Variants in TRAPPC8 observed in about 807,000 individuals in gnomAD.
The protein encoded by TRAPPC8 is trafficking protein particle complex subunit 8.
In TRAPPC8, 54 loss-of-function variants were observed where a neutral mutation model predicts 174.3. That is an observed-to-expected ratio of 0.31 (90% confidence interval 0.25 to 0.39). The LOEUF (loss-of-function observed/expected upper bound fraction) is 0.39. Ranked by LOEUF, TRAPPC8 falls within the 10% of genes least tolerant of loss-of-function variation. TRAPPC8 has a pLI of 1.00. For missense variants in TRAPPC8, 1,531 were observed against 1,699.1 expected (o/e 0.90, Z 1.74); for synonymous variants, 630 against 579.9 (o/e 1.09, Z -1.24).
rs1032513758 is a variant in TRAPPC8, at chr18:31,890,662, T to C, written c.1728+73A>G. ...TTTAGTTTTTAAGATCCTTTTTAAATAATAAAAATGGACAAATGACACACA... is the reference window on the plus strand; with the variant it reads ...TTTAGTTTTTAAGATCCTTTTTAAACAATAAAAATGGACAAATGACACACA... On this transcript the variant is annotated intron_variant, in intron 12 of 28. Transcript: ENST00000283351. 21 of 1,515,304 alleles carry C rather than the reference T, an allele frequency of 1.4e-5. No individual in the cohort carries two copies. The African/African-American group carries it at 3.0e-4, about 21-fold the overall frequency. The allele number at this position is 1,515,304 out of a possible 1,614,324, so 93.9% of individuals were successfully genotyped here.
intron 12 of TRAPPC8, among the ~76,000 whole-genome samples, chr18:31,877,999 C>T (rs980735810): frequency 6.6e-6 from 1 of 151,530 alleles, no homozygotes; most frequent in Non-Finnish European, 1.5e-5. Flanking sequence ...CCCCTCCCTA[C>T]AGAGAAGCAT....
At chr18:31,934,105 T>C (rs886834661) in intron 1 of TRAPPC8, among the ~76,000 whole-genome samples, 1 of 151,932 alleles carries the variant, frequency 6.6e-6, no homozygotes, top group African/African-American at 2.4e-5. Context: ...AGAGAATCAC[T>C]TGAAACCAGG....
intron 27 of TRAPPC8, among the ~76,000 whole-genome samples, chr18:31,837,629 CAG>C (rs2032830242): frequency 1.3e-5 from 2 of 151,890 alleles, no homozygotes; most frequent in South Asian, 4.2e-4. Context: ...ACCTGGGAGG[CAG>C]AGTTTGCAGT....
At chr18:31,917,953 G>A (rs528277983) in intron 2 of TRAPPC8, among the ~76,000 whole-genome samples, 6 of 151,936 alleles carry the variant, frequency 3.9e-5, no homozygotes, top group Admixed American at 2.0e-4. Context: ...GCAAAACCTC[G>A]TGTCTCTACT....
chr18:31,916,591 G>A (rs1386074716), intron 3 of TRAPPC8, 145 bp from the exon 4 acceptor site: 3 of 764,400 alleles, frequency 3.9e-6, no homozygotes, highest in Non-Finnish European at 5.8e-6. Flanking sequence ...GGAGAGCAGT[G>A]GCGTGATCTC....
chr18:31,884,664 A>C (rs892533325), intron 12 of TRAPPC8, among the ~76,000 whole-genome samples: 1 of 151,984 alleles, frequency 6.6e-6, no homozygotes, highest in Non-Finnish European at 1.5e-5. Context: ...TGTCCTCCAC[A>C]CGTGCCTTAC....
At chr18:31,866,712 C>T in intron 18 of TRAPPC8, 137 bp downstream of exon 18, 1 of 908,042 alleles carries the variant, frequency 1.1e-6, no homozygotes, top group Non-Finnish European at 1.5e-6. Context: ...CTAAATTTGT[C>T]ATTCTTACAT....
At chr18:31,862,029 ATTTAT>A (rs753772335) in intron 19 of TRAPPC8, among the ~76,000 whole-genome samples, 25 of 151,614 alleles carry the variant, frequency 1.6e-4, no homozygotes, top group Non-Finnish European at 3.2e-4. Context: ...TCTTACACTG[ATTTAT>A]TTTGACCACA....
rs367547992 is a variant in TRAPPC8 at position 31,902,562 on chromosome 18, G to A, written c.1390-1537C>T. ...GTATTTCCATTTATGTTTACTCCAT[G>A]GGCCTCTGATATGCTGAGATGTAAC... On this transcript the variant is annotated intron_variant, in intron 9 of 28. Transcript: ENST00000283351. Among the ~76,000 whole-genome samples the A allele has an allele frequency of 2.0e-4, 30 of 152,198 alleles. No individual in the cohort carries two copies. The East Asian group carries it at 4.6e-3, about 24-fold the overall frequency.
At chr18:31,932,133 TA>T (rs916017756) in intron 1 of TRAPPC8, among the ~76,000 whole-genome samples, 2 of 148,458 alleles carry the variant, frequency 1.3e-5, no homozygotes, top group African/African-American at 2.5e-5. Flanking sequence ...AGAGTCTACT[TA>T]AAAAAAAAAC....
At chr18:31,866,546 ACAAT>A (rs2034595476) in intron 18 of TRAPPC8, among the ~76,000 whole-genome samples, 3 of 152,186 alleles carry the variant, frequency 2.0e-5, no homozygotes, top group Admixed American at 6.6e-5. Flanking sequence ...TTGGCAGCAG[ACAAT>A]CAATGGTTAG....
chr18:31,857,511 T>G, intron 20 of TRAPPC8, 29 bp downstream of exon 20: 1 of 1,521,020 alleles, frequency 6.6e-7, no homozygotes, highest in Non-Finnish European at 8.8e-7. Flanking sequence ...AACATAGATG[T>G]TAAATTTTAT....
At chr18:31,923,952 G>A (rs924904918) in intron 2 of TRAPPC8, among the ~76,000 whole-genome samples, 4 of 151,974 alleles carry the variant, frequency 2.6e-5, no homozygotes, top group African/African-American at 9.7e-5. Context: ...TTCAAGACAA[G>A]CCTGGCCAAC....
At chr18:31,847,180 C>T (rs1226570276) in intron 25 of TRAPPC8, among the ~76,000 whole-genome samples, 2 of 152,196 alleles carry the variant, frequency 1.3e-5, no homozygotes, top group Non-Finnish European at 2.9e-5. Flanking sequence ...ATTCTTACAG[C>T]CTAGCTTCTG....
At chr18:31,852,751 A>C in intron 22 of TRAPPC8, 88 bp from the exon 23 acceptor site, 1 of 1,001,416 alleles carries the variant, frequency 1.0e-6, no homozygotes, top group South Asian at 1.4e-5. Flanking sequence ...CTTGGTCAAA[A>C]TAGAAAATAA....
chr18:31,916,725 G>T (rs1348673755), intron 3 of TRAPPC8, among the ~76,000 whole-genome samples: 1 of 151,670 alleles, frequency 6.6e-6, no homozygotes, highest in Non-Finnish European at 1.5e-5. Context: ...GTAAAGACGG[G>T]GTTTCACCAT....
chr18:31,936,971 G>C (rs946534635), intron 1 of TRAPPC8, among the ~76,000 whole-genome samples: 3 of 149,640 alleles, frequency 2.0e-5, no homozygotes, highest in Admixed American at 6.7e-5. Context: ...CCAACACTTT[G>C]GGAGGCCAAG....
rs1371005841 is a variant in TRAPPC8 at position 31,908,362 on chromosome 18, A to G, written c.1179T>C (p.Phe393=). The change falls in exon 8 of 29, where the codon TTT becomes TTC. Residue 393 remains phenylalanine, a synonymous_variant. Coordinates refer to ENST00000283351, the MANE Select transcript of TRAPPC8 (RefSeq NM_014939.5). ...TCTTTTCTGGAACTTTACTGCCACTAAACCATTTTTTAGTTGCAGAAAATA... is the reference window on the plus strand; with the variant it reads ...TCTTTTCTGGAACTTTACTGCCACTGAACCATTTTTTAGTTGCAGAAAATA... ...RSLFSATKKW[F]SGSKVPEKSI... is the part of the protein sequence containing the mutation. 1 of 1,607,312 alleles carries G rather than the reference A, an allele frequency of 6.2e-7. No homozygotes were observed.
At chr18:31,932,433 A>T (rs1031597547) in intron 1 of TRAPPC8, among the ~76,000 whole-genome samples, 1 of 151,850 alleles carries the variant, frequency 6.6e-6, no homozygotes, top group African/African-American at 2.4e-5. Flanking sequence ...TCTCCAAAAA[A>T]AAAAAAACAA....
Sources: gnomAD v4.1 joint callset for allele counts (sites outside exome capture counted in the v4.1 genomes callset) on GRCh38, gnomAD v4.1.1 for gene constraint, MANE v1.5 for transcripts, NCBI Gene and HGNC (gene_info 2026-07-23, HGNC 2026-07-21) for gene names.